ESR1: variants seen among roughly 807,000 people sequenced by gnomAD.
The protein encoded by ESR1 is estrogen receptor 1, also known as estrogen receptor.
A neutral mutation model predicts 52.7 loss-of-function variants in ESR1; 12 were observed. The ratio of observed to expected loss-of-function variants is 0.23; its 90% CI spans 0.15 to 0.37. The LOEUF (loss-of-function observed/expected upper bound fraction) is 0.37. Among genes scored for constraint, ESR1 ranks in the 10% least tolerant of loss-of-function variants. The pLI is 1.00. For missense variants in ESR1, 584 were observed against 779.7 expected (o/e 0.75, Z 2.99); for synonymous variants, 305 against 316.8 (o/e 0.96, Z 0.39).
At chr6:151,680,206 T>C (rs1164452515) in intron 1 of ESR1, among the ~76,000 whole-genome samples, 2 of 65,752 alleles carry the variant, frequency 3.0e-5, no homozygotes, top group Non-Finnish European at 5.2e-5. Flanking sequence ...TCTTTTCTCT[T>C]TTTTTTTTTT....
At chr6:151,975,244 T>C (rs1042384737) in intron 4 of ESR1, among the ~76,000 whole-genome samples, 2 of 152,240 alleles carry the variant, frequency 1.3e-5, no homozygotes, top group African/African-American at 2.4e-5. Flanking sequence ...GTTGTCTCTA[T>C]GCTTCACACA....
chr6:152,005,949 C>G (rs1175625820), intron 4 of ESR1, among the ~76,000 whole-genome samples: 2 of 152,010 alleles, frequency 1.3e-5, no homozygotes, highest in Non-Finnish European at 2.9e-5. Context: ...TTGATATTGG[C>G]AAGGTGGTTA....
intron 6 of ESR1, among the ~76,000 whole-genome samples, chr6:152,115,958 A>T (rs567604824): frequency 6.6e-5 from 10 of 152,306 alleles, no homozygotes; most frequent in South Asian, 2.1e-4. Context: ...GGTTTGGGGT[A>T]TGGCCTGGGG....
At chr6:151,756,560 A>T (rs1784302245) in intron 2 of ESR1, among the ~76,000 whole-genome samples, 2 of 152,232 alleles carry the variant, frequency 1.3e-5, no homozygotes, top group Non-Finnish European at 2.9e-5. Flanking sequence ...CTACACTAGA[A>T]TATAAGCTCT....
At chr6:152,035,834 T>C (rs1160322453) in intron 5 of ESR1, among the ~76,000 whole-genome samples, 5 of 152,186 alleles carry the variant, frequency 3.3e-5, no homozygotes, top group Non-Finnish European at 7.3e-5. Flanking sequence ...AGTAAGTTAA[T>C]GGTCCTGACA....
At chr6:151,813,875 A>G (rs747745424) in intron 1 of ESR1, among the ~76,000 whole-genome samples, 2 of 152,214 alleles carry the variant, frequency 1.3e-5, no homozygotes, top group African/African-American at 2.4e-5. Flanking sequence ...TTTCCAAATG[A>G]GCCCTTGAAA....
chr6:151,768,249 C>A (rs994739250), intron 2 of ESR1, among the ~76,000 whole-genome samples: 3 of 152,228 alleles, frequency 2.0e-5, no homozygotes, highest in Non-Finnish European at 4.4e-5. Context: ...ACATTAACAT[C>A]ATGTGCTTCT....
At chr6:152,095,604 A>G (rs2050544590) in intron 7 of ESR1, among the ~76,000 whole-genome samples, 1 of 152,218 alleles carries the variant, frequency 6.6e-6, no homozygotes, top group Non-Finnish European at 1.5e-5. Context: ...CTGACATTTC[A>G]TTGGCCAAGC....
At chr6:151,904,675 A>C (rs1348181247) in intron 3 of ESR1, among the ~76,000 whole-genome samples, 1 of 152,224 alleles carries the variant, frequency 6.6e-6, no homozygotes, top group Non-Finnish European at 1.5e-5. Flanking sequence ...AAGATTTAAA[A>C]ATGTGCTAAG....
At chr6:151,947,507 C>A (rs1198658610) in intron 4 of ESR1, among the ~76,000 whole-genome samples, 1 of 152,120 alleles carries the variant, frequency 6.6e-6, no homozygotes, top group Non-Finnish European at 1.5e-5. Flanking sequence ...GAATTTTTAA[C>A]AAAAATAGTC....
chr6:152,088,134 A>G (rs535524392), intron 6 of ESR1, among the ~76,000 whole-genome samples: 2 of 152,242 alleles, frequency 1.3e-5, no homozygotes, highest in South Asian at 4.1e-4. Flanking sequence ...ATAAAGGAGA[A>G]ATTATATTAA....
At chr6:151,798,646 A>G (rs1338113026) in intron 2 of ESR1, among the ~76,000 whole-genome samples, 1 of 152,234 alleles carries the variant, frequency 6.6e-6, no homozygotes, top group Non-Finnish European at 1.5e-5. Context: ...TAGTTTCCCC[A>G]ATGAGTATGA....
At position 152,078,172 on chromosome 6, in the gene ESR1, T is replaced by C. The variant is rs1190854202; in HGVS notation, c.1370-16213T>C. Among the ~76,000 whole-genome samples, 4 of 152,174 alleles carry C rather than the reference T, an allele frequency of 2.6e-5. No individual in the cohort carries two copies. The East Asian group carries it at 7.7e-4, about 29-fold the overall frequency. On this transcript the variant is annotated intron_variant, in intron 6 of 7. Transcript: ENST00000206249. ...CCTATACTGTTCTTGTGGTAGTGAG[T>C]AAGTCTCACGAGATCTCATGGTTTT...
intron 4 of ESR1, among the ~76,000 whole-genome samples, chr6:151,948,992 A>G (rs561964913): frequency 1.3e-5 from 2 of 152,348 alleles, no homozygotes; most frequent in South Asian, 4.1e-4. Flanking sequence ...CTTAATTTTA[A>G]GAAGTCTCTG....
At chr6:151,733,603 C>T (rs1000694807) in intron 2 of ESR1, among the ~76,000 whole-genome samples, 2 of 152,086 alleles carry the variant, frequency 1.3e-5, no homozygotes, top group African/African-American at 4.8e-5. Context: ...GTGTTGTCCC[C>T]AGTTTATAGT....
chr6:151,777,976 A>T (rs1049324009), intron 2 of ESR1, among the ~76,000 whole-genome samples: 7 of 152,060 alleles, frequency 4.6e-5, no homozygotes, highest in Non-Finnish European at 7.4e-5. Flanking sequence ...TAAATAAATA[A>T]ATAAATAAAA....
intron 3 of ESR1, among the ~76,000 whole-genome samples, chr6:151,910,864 C>T (rs948785238): frequency 2.6e-5 from 4 of 152,034 alleles, no homozygotes; most frequent in Admixed American, 6.6e-5. Context: ...TTTTTCTCAC[C>T]AGGGACTGGT....
chr6:152,031,838 A>G (rs1187659210), intron 5 of ESR1, among the ~76,000 whole-genome samples: 1 of 152,174 alleles, frequency 6.6e-6, no homozygotes, highest in Non-Finnish European at 1.5e-5. Context: ...ACACAACAAA[A>G]AAAGAGAATT....
chr6:151,955,911 C>T (rs182770425), intron 4 of ESR1, among the ~76,000 whole-genome samples: 4 of 152,114 alleles, frequency 2.6e-5, no homozygotes, highest in Admixed American at 2.0e-4. Context: ...GTCTGTTGCT[C>T]CCCTCTTTTT....
Sources: allele counts gnomAD v4.1 joint callset (sites outside exome capture counted in the v4.1 genomes callset), GRCh38; gene constraint gnomAD v4.1.1; transcripts MANE v1.5; gene names NCBI Gene and HGNC (gene_info 2026-07-23, HGNC 2026-07-21).